The following CLMN variants were observed in gnomAD, a reference collection of about 807,000 sequenced individuals.
The protein encoded by CLMN is calmin (calponin-like, transmembrane).
Under a neutral mutation model 92.7 loss-of-function variants are expected in CLMN, and 57 were observed. The observed-to-expected ratio is 0.61, with a 90% CI of 0.50 to 0.77. The LOEUF is 0.77. CLMN is among the 30% of genes least tolerant of loss of function. The pLI is 0.00. For missense variants in CLMN, 1,158 were observed against 1,237.5 expected, an observed-to-expected ratio of 0.94 and a Z score of 0.96; for synonymous variants, 466 against 470.6, an observed-to-expected ratio of 0.99 and a Z score of 0.13.
At chr14:95,263,161 G>A (rs118178153) in intron 1 of CLMN, among the ~76,000 whole-genome samples, 18 of 152,286 alleles carry the variant, frequency 1.2e-4, no homozygotes, top group Non-Finnish European at 1.9e-4. Context: ...TCAGTATGGC[G>A]GAGGAGGCCT....
intron 1 of CLMN, among the ~76,000 whole-genome samples, chr14:95,272,987 A>G (rs1899774132): frequency 6.6e-6 from 1 of 152,158 alleles, no homozygotes; most frequent in African/African-American, 2.4e-5. Flanking sequence ...CAAAGCAAAC[A>G]ATGCAGTAGT....
intron 1 of CLMN, among the ~76,000 whole-genome samples, chr14:95,241,218 G>A (rs1321695562): frequency 6.6e-6 from 1 of 152,082 alleles, no homozygotes; most frequent in East Asian, 1.9e-4. Context: ...CAATCAGCTG[G>A]GAGATGATCT....
At chr14:95,268,203 G>A (rs1899552806) in intron 1 of CLMN, among the ~76,000 whole-genome samples, 2 of 152,086 alleles carry the variant, frequency 1.3e-5, no homozygotes, top group African/African-American at 4.8e-5. Flanking sequence ...TGTTTGAGGT[G>A]ATGGATACCC....
intron 1 of CLMN, among the ~76,000 whole-genome samples, chr14:95,269,125 A>C (rs541919635): frequency 5.3e-5 from 8 of 152,182 alleles, no homozygotes; most frequent in Non-Finnish European, 1.0e-4. Flanking sequence ...TATGTAAATC[A>C]ACAATAATCT....
At chr14:95,244,510 T>C (rs951067296) in intron 1 of CLMN, among the ~76,000 whole-genome samples, 1 of 152,172 alleles carries the variant, frequency 6.6e-6, no homozygotes, top group African/African-American at 2.4e-5. Flanking sequence ...CTCCAAAACT[T>C]AACATCGCAT....
chr14:95,230,177 G>A, intron 1 of CLMN, 44 bp from the exon 2 acceptor site: 2 of 1,570,534 alleles, frequency 1.3e-6, no homozygotes, highest in South Asian at 1.1e-5. Flanking sequence ...TAAGAAGTAT[G>A]TGCAAAATCA....
intron 1 of CLMN, among the ~76,000 whole-genome samples, chr14:95,246,696 T>C (rs1468900531): frequency 2.0e-5 from 3 of 152,208 alleles, no homozygotes; most frequent in Non-Finnish European, 4.4e-5. Context: ...TTCAATCTCC[T>C]GACCTCGTGA....
rs142164822 is a variant in CLMN, at chr14:95,313,799, G to A, written c.82+5912C>T. Reference sequence around the variant, plus strand: ...GGGCAGATGTGATCTATGGCTTGTCGGGCAGAGGGACTTTGTCCAGAGCCT... The same window carrying A: ...GGGCAGATGTGATCTATGGCTTGTCAGGCAGAGGGACTTTGTCCAGAGCCT... On this transcript the variant is annotated intron_variant, in intron 1 of 12. Coordinates refer to ENST00000298912, the MANE Select transcript of CLMN (RefSeq NM_024734.4). 7.7e-4 allele frequency among the ~76,000 whole-genome samples: 117 copies of A among 152,208 alleles called. 1 individual carries two copies. Among genetic ancestry groups the A allele is most frequent in the African/African-American group, 2.6e-3 (109 of 41,536 alleles).
chr14:95,268,576 T>A (rs1036788224), intron 1 of CLMN, among the ~76,000 whole-genome samples: 3 of 152,120 alleles, frequency 2.0e-5, no homozygotes, highest in African/African-American at 7.2e-5. Flanking sequence ...TCATCTTGAC[T>A]GCCATGGTGG....
intron 1 of CLMN, among the ~76,000 whole-genome samples, chr14:95,277,173 G>A (rs1397017651): frequency 6.6e-6 from 1 of 152,242 alleles, no homozygotes; most frequent in Non-Finnish European, 1.5e-5. Flanking sequence ...AAGGACTGGT[G>A]AGGCTAGTCT....
chr14:95,284,633 G>GC (rs997085220), intron 1 of CLMN, among the ~76,000 whole-genome samples: 1 of 152,044 alleles, frequency 6.6e-6, no homozygotes, highest in South Asian at 2.1e-4. Context: ...AAATTTTGGT[G>GC]CCCCCCACCC....
rs900841342 is a variant in CLMN, at chr14:95,185,291, G to C, written c.*6273C>G. 1.3e-5 allele frequency: 2 copies of C among 152,284 alleles called. No homozygotes were observed. Among genetic ancestry groups the C allele is most frequent in the African/African-American group, 4.8e-5 (2 of 41,462 alleles). The allele number at this position is 152,284 out of a possible 1,614,324, so 9.4% of individuals were successfully genotyped here. ...CTGATGAGAGCAAGGCGCAAGATCT[G>C]TGGAGCTCAAGGGGATGCTTGTGTC... On this transcript the variant is annotated 3_prime_UTR_variant, in exon 13 of 13. Coordinates refer to ENST00000298912, the MANE Select transcript of CLMN (RefSeq NM_024734.4).
At chr14:95,247,113 A>AGGTCT (rs1898603535) in intron 1 of CLMN, among the ~76,000 whole-genome samples, 1 of 151,874 alleles carries the variant, frequency 6.6e-6, no homozygotes, top group African/African-American at 2.4e-5. Context: ...TGTGGGACCC[A>AGGTCT]GCAGTGTGCC....
chr14:95,279,260 A>G (rs1900051223), intron 1 of CLMN, among the ~76,000 whole-genome samples: 1 of 152,244 alleles, frequency 6.6e-6, no homozygotes, highest in East Asian at 1.9e-4. Context: ...TTCAAAATGT[A>G]GATATTTGGT....
intron 1 of CLMN, among the ~76,000 whole-genome samples, chr14:95,295,058 C>T (rs1900748054): frequency 6.6e-6 from 1 of 152,230 alleles, no homozygotes; most frequent in Admixed American, 6.5e-5. Flanking sequence ...TGCTGGTGGC[C>T]TTTTCCTGCC....
At chr14:95,308,938 A>C (rs1438051726) in intron 1 of CLMN, among the ~76,000 whole-genome samples, 1 of 152,178 alleles carries the variant, frequency 6.6e-6, no homozygotes, top group African/African-American at 2.4e-5. Flanking sequence ...AAGTAGAAAC[A>C]GAAGAAAAAA....
chr14:95,210,678 A>G lies in CLMN; in HGVS notation c.802+8T>C. On this transcript the variant is annotated splice_region_variant and intron_variant, in intron 7 of 12. Transcript: ENST00000298912. ...AATTATTAGAAAGAAAGAGAGAACCACTGCTACCTTCTGGCTCCAGGAGCC... is the reference window on the plus strand; with the variant it reads ...AATTATTAGAAAGAAAGAGAGAACCGCTGCTACCTTCTGGCTCCAGGAGCC... 6.2e-7 allele frequency: 1 copy of G among 1,601,016 alleles called. No individual in the cohort carries two copies. Among genetic ancestry groups the G allele is most frequent in the Non-Finnish European group, 8.5e-7 (1 of 1,176,000 alleles).
At chr14:95,242,032 T>C (rs1442854638) in intron 1 of CLMN, among the ~76,000 whole-genome samples, 1 of 152,100 alleles carries the variant, frequency 6.6e-6, no homozygotes, top group African/African-American at 2.4e-5. Flanking sequence ...AGTTGGATCA[T>C]TGTTCCTGGG....
chr14:95,286,680 A>AC (rs1404389127), intron 1 of CLMN, among the ~76,000 whole-genome samples: 5 of 152,216 alleles, frequency 3.3e-5, no homozygotes, highest in African/African-American at 7.2e-5. Context: ...ATGTCATTTT[A>AC]CCCCCAAAAA....
Sources: gnomAD v4.1 joint callset for allele counts (sites outside exome capture counted in the v4.1 genomes callset) on GRCh38, gnomAD v4.1.1 for gene constraint, MANE v1.5 for transcripts, NCBI Gene and HGNC (gene_info 2026-07-23, HGNC 2026-07-21) for gene names.